The following TNS3 variants were observed in gnomAD, a reference collection of about 807,000 sequenced individuals.
TNS3 encodes tensin-3.
In TNS3, 45 loss-of-function variants were observed where a neutral mutation model predicts 140.9. The observed-to-expected ratio is 0.32, with a 90% CI of 0.25 to 0.41. The LOEUF (loss-of-function observed/expected upper bound fraction) is 0.41. Among genes scored for constraint, TNS3 ranks in the 10% least tolerant of loss-of-function variants. TNS3 has a pLI of 1.00. For synonymous variants in TNS3, 815 were observed against 788.4 expected (o/e 1.03, Z -0.56); for missense variants, 1,716 against 1,906.7 (o/e 0.90, Z 1.86).
chr7:47,389,148 A>AAGAAGC lies in TNS3; in HGVS notation c.1024+7651_1024+7652insGCTTCT, dbSNP rs1792347429. Among the ~76,000 whole-genome samples, 2 of 14,600 alleles carry AAGAAGC rather than the reference A, an allele frequency of 1.4e-4. 1 individual carries two copies. Among genetic ancestry groups the AAGAAGC allele is most frequent in the African/African-American group, 2.7e-4 (2 of 7,328 alleles). 9.6% of individuals were successfully genotyped at this position (14,600 alleles called of 152,430 possible). On this transcript the variant is annotated intron_variant, in intron 16 of 30. Transcript: ENST00000311160. ...GAAGAAGAAGAAGAAGAAGAAGAAG[A>AAGAAGC]AGAAGAAGCAGAAGAAGCAGCAGAA...
In TNS3 at chr7:47,524,808, CAAGAAAAAAAA is replaced by C. The variant is rs1486904559; in HGVS notation, c.-153+4217_-153+4227del. On this transcript the variant is annotated intron_variant, in intron 2 of 30. Coordinates refer to ENST00000311160, the MANE Select transcript of TNS3 (RefSeq NM_022748.12). ...TGGGCGACAGAGCGAGACTCCGTCT[CAAGAAAAAAAA>C]AAAAAAAAAAAAAAAAAGGCAATGG... is the stretch of plus-strand genomic sequence containing the variant. 5.4e-3 allele frequency among the ~76,000 whole-genome samples: 137 copies of C among 25,256 alleles called. 2 individuals are homozygous for C. Among genetic ancestry groups the C allele is most frequent in the South Asian group, 0.021 (5 of 240 alleles). 16.6% of individuals were successfully genotyped at this position (25,256 alleles called of 152,430 possible). A position where few individuals can be genotyped will look rare whatever the true frequency, so the allele number is the denominator to read the frequency against.
chr7:47,524,464 T>C (rs1295539916), intron 2 of TNS3, among the ~76,000 whole-genome samples: 1 of 152,044 alleles, frequency 6.6e-6, no homozygotes, highest in Non-Finnish European at 1.5e-5. Context: ...TGTGTGTCCA[T>C]AATGCCTGCA....
At chr7:47,427,050 C>T (rs760912633) in intron 9 of TNS3, among the ~76,000 whole-genome samples, 6 of 146,282 alleles carry the variant, frequency 4.1e-5, no homozygotes, top group African/African-American at 7.5e-5. Flanking sequence ...CGCTTGAACC[C>T]GGGAAGCAGA....
At chr7:47,365,841 G>A (rs995666835) in intron 17 of TNS3, among the ~76,000 whole-genome samples, 5 of 152,176 alleles carry the variant, frequency 3.3e-5, no homozygotes, top group Non-Finnish European at 5.9e-5. Context: ...AATATGATGT[G>A]GCTTTCGAAA....
At chr7:47,496,117 G>A (rs1797998366) in intron 3 of TNS3, among the ~76,000 whole-genome samples, 1 of 152,192 alleles carries the variant, frequency 6.6e-6, no homozygotes. Flanking sequence ...AGTGAGCCTG[G>A]AGGAGGGGTG....
intron 1 of TNS3, among the ~76,000 whole-genome samples, chr7:47,565,672 GTTT>G (rs535596234): frequency 7.7e-4 from 117 of 152,252 alleles, no homozygotes; most frequent in African/African-American, 2.7e-3. Flanking sequence ...CGCTTGGCCA[GTTT>G]TTTATTTCTT....
chr7:47,453,782 T>C (rs1022706369), intron 4 of TNS3, among the ~76,000 whole-genome samples: 12 of 152,112 alleles, frequency 7.9e-5, no homozygotes, highest in African/African-American at 1.7e-4. Flanking sequence ...CTTGGTGACA[T>C]AGAGTCCCGG....
chr7:47,357,305 G>A (rs1283312851), intron 17 of TNS3, among the ~76,000 whole-genome samples: 1 of 152,138 alleles, frequency 6.6e-6, no homozygotes, highest in Non-Finnish European at 1.5e-5. Flanking sequence ...AAGCTCCCTT[G>A]CATTCCTAGG....
At chr7:47,308,335 A>G (rs1288477525) in intron 20 of TNS3, among the ~76,000 whole-genome samples, 4 of 152,144 alleles carry the variant, frequency 2.6e-5, no homozygotes, top group Admixed American at 6.5e-5. Flanking sequence ...GTCTTTTTAT[A>G]TGTTCCACGA....
chr7:47,535,751 G>A (rs982666588), intron 1 of TNS3, among the ~76,000 whole-genome samples: 2 of 152,198 alleles, frequency 1.3e-5, no homozygotes, highest in Non-Finnish European at 2.9e-5. Context: ...GAACAGGGAG[G>A]TGCTCCACAT....
intron 3 of TNS3, among the ~76,000 whole-genome samples, chr7:47,496,810 C>T (rs1798027244): frequency 6.6e-6 from 1 of 152,224 alleles, no homozygotes; most frequent in African/African-American, 2.4e-5. Context: ...GCCCAGATAC[C>T]CTGGCTGCAG....
chr7:47,409,208 AAGG>A (rs1310094864), intron 13 of TNS3, among the ~76,000 whole-genome samples: 2 of 151,924 alleles, frequency 1.3e-5, no homozygotes, highest in Non-Finnish European at 2.9e-5. Flanking sequence ...GAAGAGAAGG[AAGG>A]AGGAGGAGGT....
intron 3 of TNS3, among the ~76,000 whole-genome samples, chr7:47,497,088 A>T (rs1016678149): frequency 6.6e-6 from 1 of 152,256 alleles, no homozygotes; most frequent in Non-Finnish European, 1.5e-5. Flanking sequence ...TAAGCCCACT[A>T]AATGGAATTT....
intron 13 of TNS3, among the ~76,000 whole-genome samples, chr7:47,401,914 G>A (rs891366823): frequency 6.6e-6 from 1 of 152,200 alleles, no homozygotes; most frequent in Non-Finnish European, 1.5e-5. Context: ...GCACAGGCAG[G>A]TACCTCCCCA....
intron 2 of TNS3, among the ~76,000 whole-genome samples, chr7:47,507,958 T>A (rs532406102): frequency 2.0e-5 from 3 of 152,160 alleles, no homozygotes; most frequent in African/African-American, 7.2e-5. Flanking sequence ...CACGGAGCTA[T>A]CATGGGTCAA....
intron 17 of TNS3, among the ~76,000 whole-genome samples, chr7:47,356,513 A>C (rs776306721): frequency 6.6e-6 from 1 of 152,162 alleles, no homozygotes; most frequent in Non-Finnish European, 1.5e-5. Flanking sequence ...GCATTTTTAA[A>C]GCTCCCCAGG....
At position 47,416,660 on chromosome 7, in the gene TNS3, G is replaced by A. The variant is rs1584610614; in HGVS notation, c.474-1454C>T. 3.3e-5 allele frequency among the ~76,000 whole-genome samples: 5 copies of A among 152,274 alleles called. 1 individual carries two copies. Among genetic ancestry groups the A allele is most frequent in the Admixed American group, 3.3e-4 (5 of 15,300 alleles). On this transcript the variant is annotated intron_variant, in intron 10 of 30. Transcript: ENST00000311160. ...CTGTGAGGCTGATGACCAGACTTCA[G>A]TGGACCTCCAGGCAGCTCCCACACG...
intron 20 of TNS3, among the ~76,000 whole-genome samples, chr7:47,325,675 C>T (rs1402351135): frequency 1.3e-5 from 2 of 152,128 alleles, no homozygotes; most frequent in Non-Finnish European, 2.9e-5. Flanking sequence ...GAGAGGCCAC[C>T]TGTCTCAGGT....
At chr7:47,374,159 G>A (rs1791237652) in intron 16 of TNS3, among the ~76,000 whole-genome samples, 1 of 152,230 alleles carries the variant, frequency 6.6e-6, no homozygotes, top group Admixed American at 6.5e-5. Context: ...ATGACCTAAA[G>A]GTTAGCCCAT....
Sources: gnomAD v4.1 joint callset for allele counts (sites outside exome capture counted in the v4.1 genomes callset) on GRCh38, gnomAD v4.1.1 for gene constraint, MANE v1.5 for transcripts, NCBI Gene and HGNC (gene_info 2026-07-23, HGNC 2026-07-21) for gene names.